The following GATA4 variants were observed in gnomAD, a reference collection of about 807,000 sequenced individuals.
GATA4 encodes the protein GATA binding protein 4, also known as transcription factor GATA-4.
In GATA4, 7 loss-of-function variants were observed where a neutral mutation model predicts 37.9. That is an observed-to-expected ratio of 0.18 (90% CI 0.11 to 0.35). The LOEUF (loss-of-function observed/expected upper bound fraction) is 0.35. GATA4 is among the 10% of genes least tolerant of loss of function. GATA4 has a pLI of 1.00. For synonymous variants in GATA4, 372 were observed against 292.6 expected (o/e 1.27, Z -2.77); for missense variants, 647 against 653.0 (o/e 0.99, Z 0.10).
chr8:11,745,224 G>A (rs1287498515), intron 2 of GATA4, among the ~76,000 whole-genome samples: 2 of 152,078 alleles, frequency 1.3e-5, no homozygotes, highest in East Asian at 1.9e-4. Flanking sequence ...GAGGTGAGTC[G>A]GCAGCTGAGA....
chr8:11,741,892 G>T (rs10103483), intron 2 of GATA4, among the ~76,000 whole-genome samples: 3 of 152,190 alleles, frequency 2.0e-5, no homozygotes, highest in African/African-American at 4.8e-5. Context: ...AGCTTTTGCC[G>T]CTGGGGAAGG....
intron 1 of GATA4, among the ~76,000 whole-genome samples, chr8:11,683,703 G>T (rs1799050196): frequency 6.6e-6 from 1 of 152,190 alleles, no homozygotes; most frequent in Non-Finnish European, 1.5e-5. Context: ...AACTATTTCA[G>T]TCCCGCAACT....
At chr8:11,692,832 G>A (rs898001026) in intron 1 of GATA4, 6 of 981,768 alleles carry the variant, frequency 6.1e-6, no homozygotes, top group South Asian at 4.7e-5. Flanking sequence ...GGGCAGAGGC[G>A]GGGGCGGCCG....
chr8:11,727,578 C>G (rs755062539), intron 2 of GATA4, among the ~76,000 whole-genome samples: 1 of 152,024 alleles, frequency 6.6e-6, no homozygotes, highest in African/African-American at 2.4e-5. Flanking sequence ...TGCGGTGGCT[C>G]ACACCTGTAA....
intron 4 of GATA4, among the ~76,000 whole-genome samples, chr8:11,750,871 C>T (rs1186170420): frequency 6.6e-6 from 1 of 151,236 alleles, no homozygotes; most frequent in Non-Finnish European, 1.5e-5. Context: ...GGCTTGAGCT[C>T]AGGAGTTTGA....
upstream of GATA4, among the ~76,000 whole-genome samples, chr8:11,703,850 C>A (rs899152479): frequency 2.6e-5 from 4 of 152,334 alleles, no homozygotes; most frequent in African/African-American, 9.6e-5. Context: ...CTCTACTGGC[C>A]CCGCCCCTCG....
intron 2 of GATA4, among the ~76,000 whole-genome samples, chr8:11,727,414 C>A (rs1267174374): frequency 6.6e-6 from 1 of 152,152 alleles, no homozygotes; most frequent in Admixed American, 6.5e-5. Flanking sequence ...TTAGCCAGAC[C>A]CTTTTTTCAT....
chr8:11,698,994 A>C (rs2130013759), intron 1 of GATA4, among the ~76,000 whole-genome samples: 1 of 152,320 alleles, frequency 6.6e-6, no homozygotes, highest in South Asian at 2.1e-4. Flanking sequence ...CTTGAGGGGA[A>C]TGTTTCATTC....
upstream of GATA4, among the ~76,000 whole-genome samples, chr8:11,702,078 A>T (rs539423389): frequency 4.7e-4 from 71 of 152,180 alleles, no homozygotes; most frequent in African/African-American, 1.7e-3. The surrounding 1 kb of genome is among the most constrained non-coding windows in gnomAD (Gnocchi z 4.4). Context: ...TTTAGGGAGG[A>T]TGGGGAGGGC....
At chr8:11,689,778 G>A (rs536945585), upstream of GATA4, among the ~76,000 whole-genome samples, 1 of 152,300 alleles carries the variant, frequency 6.6e-6, no homozygotes, top group African/African-American at 2.4e-5. Context: ...CAGACTTCTA[G>A]GCTCTGCCCG....
intron 1 of GATA4, chr8:11,697,629 C>T: frequency 4.1e-6 from 4 of 985,408 alleles, no homozygotes; most frequent in Middle Eastern, 5.2e-4. Context: ...GGGCCTCCGG[C>T]CCCAGCACAG....
At position 11,681,903 on chromosome 8, in the gene GATA4, C is replaced by T. The variant is rs185098611; in HGVS notation, c.-274+4840C>T. Among the ~76,000 whole-genome samples, 462 of 152,306 alleles carry T rather than the reference C, an allele frequency of 3.0e-3. 2 individuals are homozygous for T. Among genetic ancestry groups the T allele is most frequent in the Admixed American group, 5.7e-3 (87 of 15,304 alleles). On this transcript the variant is annotated intron_variant, in intron 1 of 6. Coordinates refer to the GATA4 transcript ENST00000528712. ...GCCTTCAGATGTGGTCTGCGTCTGC[C>T]TGGGTCTCTTCCCACCTCAATCTGA...
rs141431521 is a variant in GATA4 at position 11,713,362 on chromosome 8, G to T, written c.616+4434G>T. 9.9e-4 allele frequency among the ~76,000 whole-genome samples: 151 copies of T among 152,226 alleles called. 2 individuals carry two copies. Among genetic ancestry groups the T allele is most frequent in the East Asian group, 7.7e-3 (40 of 5,180 alleles). On this transcript the variant is annotated intron_variant, in intron 2 of 6. Coordinates refer to ENST00000532059, the MANE Select transcript of GATA4 (RefSeq NM_001308093.3). ...TACAGAGTCTTACTCATTTTTAAGT[G>T]CCTGGCACATGTTGGGCACTTAGCA...
At chr8:11,734,292 G>A (rs1028764938) in intron 2 of GATA4, among the ~76,000 whole-genome samples, 1 of 152,176 alleles carries the variant, frequency 6.6e-6, no homozygotes, top group African/African-American at 2.4e-5. Context: ...AGCCAGTTTA[G>A]GTTGCTGTAA....
intron 2 of GATA4, among the ~76,000 whole-genome samples, chr8:11,714,649 G>A (rs1800357827): frequency 6.6e-6 from 1 of 152,200 alleles, no homozygotes; most frequent in African/African-American, 2.4e-5. Context: ...TACCTCTAGT[G>A]AGCCCTGTCA....
chr8:11,729,157 T>C (rs1335584238), intron 2 of GATA4, among the ~76,000 whole-genome samples: 4 of 152,072 alleles, frequency 2.6e-5, no homozygotes, highest in Non-Finnish European at 5.9e-5. Context: ...CACTTGAACC[T>C]GGTTGCAGTG....
At chr8:11,710,486 C>G (rs1377713301) in intron 2 of GATA4, among the ~76,000 whole-genome samples, 2 of 150,816 alleles carry the variant, frequency 1.3e-5, no homozygotes, top group Middle Eastern at 3.4e-3. Flanking sequence ...TCGAGACCAT[C>G]CTGGCCAACC....
intron 2 of GATA4, among the ~76,000 whole-genome samples, chr8:11,731,537 C>T (rs940027788): frequency 3.3e-5 from 5 of 152,248 alleles, no homozygotes; most frequent in South Asian, 2.1e-4. Context: ...AAATTCATGA[C>T]GACAGAAAGC....
intron 1 of GATA4, among the ~76,000 whole-genome samples, chr8:11,685,775 G>A (rs1275559161): frequency 6.6e-6 from 1 of 152,146 alleles, no homozygotes; most frequent in Non-Finnish European, 1.5e-5. Flanking sequence ...CCTCTTCCAC[G>A]ACTCCCTTTT....
Sources: gnomAD v4.1 joint callset for allele counts (sites outside exome capture counted in the v4.1 genomes callset) on GRCh38, gnomAD v4.1.1 for gene constraint, Gnocchi (gnomAD v3.1) non-coding constraint, MANE v1.5 for transcripts, NCBI Gene and HGNC (gene_info 2026-07-23, HGNC 2026-07-21) for gene names.